The following PLPPR5 variants were observed in gnomAD, a reference collection of about 807,000 sequenced individuals.
The protein encoded by PLPPR5 is phospholipid phosphatase related 5.
A neutral mutation model predicts 33.9 loss-of-function variants in PLPPR5; 16 were observed. That is an observed-to-expected ratio of 0.47 (90% CI 0.32 to 0.72). PLPPR5 has a LOEUF of 0.72. Among genes scored for constraint, PLPPR5 ranks in the 30% least tolerant of loss-of-function variants. The pLI is 0.03. For synonymous variants in PLPPR5, 163 were observed against 150.3 expected (o/e 1.08, Z -0.62); for missense variants, 301 against 406.7 (o/e 0.74, Z 2.23).
intron 4 of PLPPR5, among the ~76,000 whole-genome samples, chr1:98,916,737 G>A (rs894745532): frequency 6.6e-5 from 10 of 152,090 alleles, no homozygotes; most frequent in African/African-American, 1.9e-4. Flanking sequence ...CAATAACAAC[G>A]ATGATTATTC....
intron 3 of PLPPR5, among the ~76,000 whole-genome samples, chr1:98,932,940 A>G (rs1650037160): frequency 6.6e-6 from 1 of 152,174 alleles, no homozygotes; most frequent in Non-Finnish European, 1.5e-5. Flanking sequence ...GCCCTCAAGT[A>G]GAGAAGTATT....
chr1:98,910,317 A>G (rs187485712), intron 5 of PLPPR5, among the ~76,000 whole-genome samples: 1 of 152,262 alleles, frequency 6.6e-6, no homozygotes, highest in African/African-American at 2.4e-5. Flanking sequence ...ACTGGGAAGA[A>G]TTTTGCATTT....
chr1:99,001,170 T>C (rs891092207), intron 1 of PLPPR5, among the ~76,000 whole-genome samples: 3 of 148,832 alleles, frequency 2.0e-5, no homozygotes, highest in Non-Finnish European at 3.0e-5. Flanking sequence ...AGTCTTGCAC[T>C]GTCACCCAGG....
At chr1:98,979,371 T>C (rs1025743186) in intron 1 of PLPPR5, among the ~76,000 whole-genome samples, 2 of 152,232 alleles carry the variant, frequency 1.3e-5, no homozygotes, top group East Asian at 3.9e-4. Context: ...CTCAGTTTTA[T>C]CATCTCTAAA....
intron 3 of PLPPR5, among the ~76,000 whole-genome samples, chr1:98,923,629 C>A (rs1047347790): frequency 6.6e-6 from 1 of 152,042 alleles, no homozygotes; most frequent in Non-Finnish European, 1.5e-5. Context: ...CAAGTTCTAG[C>A]CTTTTACAAT....
chr1:98,978,080 A>G (rs1454739291), intron 1 of PLPPR5, among the ~76,000 whole-genome samples: 1 of 152,004 alleles, frequency 6.6e-6, no homozygotes, highest in Non-Finnish European at 1.5e-5. Context: ...CAAGAGGAGA[A>G]AAGTAGAAAT....
intron 1 of PLPPR5, among the ~76,000 whole-genome samples, chr1:98,976,137 C>T (rs114030423): frequency 8.1e-5 from 11 of 136,494 alleles, no homozygotes; most frequent in African/African-American, 2.7e-4. Flanking sequence ...CCATGAATAA[C>T]CTTTCTCAAA....
At chr1:98,994,178 A>C (rs1652550872) in intron 1 of PLPPR5, among the ~76,000 whole-genome samples, 1 of 151,736 alleles carries the variant, frequency 6.6e-6, no homozygotes, top group African/African-American at 2.4e-5. Context: ...TGGAGAAAGG[A>C]AGGATGAGAG....
intron 5 of PLPPR5, among the ~76,000 whole-genome samples, chr1:98,908,161 T>C (rs996881211): frequency 2.6e-5 from 4 of 152,188 alleles, no homozygotes; most frequent in African/African-American, 9.6e-5. Context: ...CTAGCTGCCA[T>C]TCTCACTCTG....
intron 1 of PLPPR5, among the ~76,000 whole-genome samples, chr1:98,981,958 C>A (rs1362529485): frequency 6.6e-6 from 1 of 152,098 alleles, no homozygotes; most frequent in African/African-American, 2.4e-5. Flanking sequence ...TTCCTTTACT[C>A]ATTAATGTCA....
chr1:98,966,655 G>A (rs1651460068), intron 1 of PLPPR5, among the ~76,000 whole-genome samples: 2 of 152,172 alleles, frequency 1.3e-5, no homozygotes, highest in African/African-American at 4.8e-5. Flanking sequence ...GGAAGGATAT[G>A]AGGTCAAGAA....
intron 1 of PLPPR5, among the ~76,000 whole-genome samples, chr1:98,982,812 C>T (rs1182588535): frequency 6.6e-6 from 1 of 152,084 alleles, no homozygotes; most frequent in East Asian, 1.9e-4. Flanking sequence ...CCCTGTCTTC[C>T]TCATGGAGCC....
At chr1:99,003,911 C>T (rs1007571852) in intron 1 of PLPPR5, among the ~76,000 whole-genome samples, 1 of 152,144 alleles carries the variant, frequency 6.6e-6, no homozygotes, top group African/African-American at 2.4e-5. Context: ...CAGCTTAGTC[C>T]CATTGGCACT....
At chr1:98,919,464 G>C (rs957747726) in intron 4 of PLPPR5, among the ~76,000 whole-genome samples, 16 of 152,106 alleles carry the variant, frequency 1.1e-4, no homozygotes, top group Non-Finnish European at 2.4e-4. Context: ...AACACCCTAG[G>C]ATATTACAAC....
intron 3 of PLPPR5, among the ~76,000 whole-genome samples, chr1:98,934,062 T>C (rs1385638818): frequency 3.3e-5 from 5 of 152,044 alleles, no homozygotes; most frequent in Non-Finnish European, 7.4e-5. Context: ...TAGGCTCTCA[T>C]TGGCAGCATC....
At chr1:98,911,728 A>T (rs887581110) in intron 5 of PLPPR5, among the ~76,000 whole-genome samples, 1 of 152,148 alleles carries the variant, frequency 6.6e-6, no homozygotes, top group East Asian at 1.9e-4. Flanking sequence ...AATATGTCTA[A>T]GATCTCTTCC....
At chr1:98,939,672 G>C (rs1188471813) in intron 3 of PLPPR5, among the ~76,000 whole-genome samples, 4 of 152,058 alleles carry the variant, frequency 2.6e-5, no homozygotes, top group Middle Eastern at 3.4e-3. Context: ...CCCCACCACT[G>C]GCAGCCACAG....
chr1:98,949,774 A>G (rs1052083688), intron 3 of PLPPR5, among the ~76,000 whole-genome samples: 5 of 152,190 alleles, frequency 3.3e-5, no homozygotes, highest in African/African-American at 1.2e-4. Context: ...AGCAGGAGTT[A>G]TATTCAGAGT....
chr1:98,903,884 ACT>A (rs1648792229), intron 5 of PLPPR5, among the ~76,000 whole-genome samples: 1 of 152,100 alleles, frequency 6.6e-6, no homozygotes, highest in South Asian at 2.1e-4. Flanking sequence ...TCCACCCATC[ACT>A]CTGACTACAT....
Sources: gnomAD v4.1 joint callset for allele counts (sites outside exome capture counted in the v4.1 genomes callset) on GRCh38, gnomAD v4.1.1 for gene constraint, MANE v1.5 for transcripts, NCBI Gene and HGNC (gene_info 2026-07-23, HGNC 2026-07-21) for gene names.